GPC5: variants seen among roughly 807,000 people sequenced by gnomAD.
GPC5 encodes the protein glypican 5.
A neutral mutation model predicts 53.9 loss-of-function variants in GPC5; 47 were observed. The ratio of observed to expected loss-of-function variants is 0.87; its 90% CI spans 0.69 to 1.11. The LOEUF is 1.11. Among genes scored for constraint, GPC5 ranks in the 50% most tolerant of loss-of-function variants. The pLI is 0.00. For missense variants in GPC5, 748 were observed against 713.1 expected (o/e 1.05, Z -0.56); for synonymous variants, 286 against 263.3 (o/e 1.09, Z -0.84).
intron 2 of GPC5, among the ~76,000 whole-genome samples, chr13:91,511,710 GT>G (rs970378889): frequency 2.1e-4 from 31 of 148,712 alleles, no homozygotes; most frequent in Middle Eastern, 3.5e-3. Flanking sequence ...TTTCCATATG[GT>G]TTTTTTTTCA....
At chr13:91,908,934 G>A (rs527773193) in intron 6 of GPC5, among the ~76,000 whole-genome samples, 63 of 152,196 alleles carry the variant, frequency 4.1e-4, no homozygotes, top group South Asian at 3.5e-3. Flanking sequence ...ATATTCAAGA[G>A]TCAGTAGTAG....
intron 7 of GPC5, chr13:92,446,729 C>T (rs1032005554): frequency 7.9e-5 from 12 of 152,126 alleles, no homozygotes; most frequent in Non-Finnish European, 1.6e-4. Context: ...AGTGGTGGTA[C>T]TAATATACAT....
At chr13:91,754,772 G>A (rs1211661558) in intron 4 of GPC5, among the ~76,000 whole-genome samples, 1 of 152,090 alleles carries the variant, frequency 6.6e-6, no homozygotes, top group African/African-American at 2.4e-5. Context: ...TGTCTTTGAG[G>A]CACTTATTTT....
intron 7 of GPC5, among the ~76,000 whole-genome samples, chr13:92,546,339 G>A (rs1220269478): frequency 2.6e-5 from 4 of 152,100 alleles, no homozygotes; most frequent in Admixed American, 6.5e-5. Flanking sequence ...AAAAATCAAT[G>A]TGCAAAAATC....
intron 6 of GPC5, among the ~76,000 whole-genome samples, chr13:91,987,540 C>T (rs1460722360): frequency 6.6e-6 from 1 of 151,672 alleles, no homozygotes; most frequent in Non-Finnish European, 1.5e-5. Context: ...GCATTTAGTT[C>T]ACTTTGTTTT....
intron 6 of GPC5, among the ~76,000 whole-genome samples, chr13:92,098,094 A>C (rs150082733): frequency 1.3e-5 from 2 of 152,230 alleles, no homozygotes; most frequent in East Asian, 3.9e-4. Flanking sequence ...TGTTGTACAG[A>C]TTATTTTGTC....
intron 7 of GPC5, among the ~76,000 whole-genome samples, chr13:92,639,214 C>A (rs545917489): frequency 1.1e-4 from 16 of 151,976 alleles, no homozygotes; most frequent in Non-Finnish European, 2.1e-4. Flanking sequence ...TGTAACATAC[C>A]CACTAAATTC....
chr13:92,407,090 T>C (rs758746671), intron 7 of GPC5, among the ~76,000 whole-genome samples: 17 of 152,194 alleles, frequency 1.1e-4, no homozygotes, highest in Admixed American at 5.2e-4. Context: ...GCAACTGAAT[T>C]AAACTATTTT....
intron 7 of GPC5, among the ~76,000 whole-genome samples, chr13:92,322,351 AT>A (rs1006807437): frequency 2.0e-5 from 3 of 147,992 alleles, no homozygotes; most frequent in Non-Finnish European, 2.9e-5. Context: ...AGAAAAAAAA[AT>A]AAAGGCAAAT....
chr13:92,288,307 T>C (rs2042970383), intron 7 of GPC5, among the ~76,000 whole-genome samples: 1 of 152,216 alleles, frequency 6.6e-6, no homozygotes, highest in South Asian at 2.1e-4. Context: ...TGAATGTTTC[T>C]CTCTCTGTTT....
At chr13:91,481,320 T>C (rs938025469) in intron 2 of GPC5, among the ~76,000 whole-genome samples, 1 of 152,176 alleles carries the variant, frequency 6.6e-6, no homozygotes, top group East Asian at 1.9e-4. Context: ...AGGCATCTTA[T>C]ATAAATTCTG....
intron 6 of GPC5, among the ~76,000 whole-genome samples, chr13:91,949,946 T>C (rs1306532203): frequency 6.6e-6 from 1 of 152,186 alleles, no homozygotes; most frequent in Non-Finnish European, 1.5e-5. Context: ...TTTGGAGAAT[T>C]TGATATCATG....
At chr13:92,240,469 A>C (rs2042603486) in intron 7 of GPC5, 1 of 152,060 alleles carries the variant, frequency 6.6e-6, no homozygotes, top group African/African-American at 2.4e-5. Flanking sequence ...AGAATGTTGC[A>C]TTGCTAAATA....
chr13:91,758,922 C>T (rs2037351790), intron 5 of GPC5, among the ~76,000 whole-genome samples: 1 of 152,050 alleles, frequency 6.6e-6, no homozygotes, highest in Non-Finnish European at 1.5e-5. Flanking sequence ...CCATTTCTGT[C>T]TCATGGGTCC....
intron 3 of GPC5, among the ~76,000 whole-genome samples, chr13:91,711,477 A>T (rs2036225481): frequency 6.6e-6 from 1 of 152,112 alleles, no homozygotes; most frequent in South Asian, 2.1e-4. Flanking sequence ...TGGGGGAGGG[A>T]TAGCATTAGG....
chr13:91,947,991 G>A (rs1447237406), intron 6 of GPC5, among the ~76,000 whole-genome samples: 1 of 151,988 alleles, frequency 6.6e-6, no homozygotes, highest in Non-Finnish European at 1.5e-5. Flanking sequence ...TAATACTAAA[G>A]GGTTCTTCTG....
chr13:92,146,579 T>C (rs1181212155), intron 7 of GPC5, among the ~76,000 whole-genome samples: 2 of 152,116 alleles, frequency 1.3e-5, no homozygotes, highest in African/African-American at 4.8e-5. Context: ...AGTTCTTTAG[T>C]GGTGATTTGT....
intron 7 of GPC5, among the ~76,000 whole-genome samples, chr13:92,286,776 C>T (rs537141861): frequency 6.6e-6 from 1 of 151,684 alleles, no homozygotes; most frequent in Non-Finnish European, 1.5e-5. Context: ...AGGAGAGATA[C>T]CTAATGTAAA....
At chr13:92,007,884 T>G (rs1252824711) in intron 6 of GPC5, among the ~76,000 whole-genome samples, 1 of 152,126 alleles carries the variant, frequency 6.6e-6, no homozygotes, top group Non-Finnish European at 1.5e-5. Context: ...CTTTATGCCA[T>G]GTACACCTTC....
Sources: allele counts gnomAD v4.1 joint callset (sites outside exome capture counted in the v4.1 genomes callset), GRCh38; gene constraint gnomAD v4.1.1; transcripts MANE v1.5; gene names NCBI Gene and HGNC (gene_info 2026-07-23, HGNC 2026-07-21).